PTPRQ: variants seen among roughly 807,000 people sequenced by gnomAD.
The protein encoded by PTPRQ is protein tyrosine phosphatase receptor type Q.
A neutral mutation model predicts 246.0 loss-of-function variants in PTPRQ; 199 were observed. That is an observed-to-expected ratio of 0.81 (90% CI 0.72 to 0.91). The LOEUF (loss-of-function observed/expected upper bound fraction) is 0.91. Among genes scored for constraint, PTPRQ ranks in the 40% least tolerant of loss-of-function variants. PTPRQ has a pLI of 0.00. For synonymous variants in PTPRQ, 869 were observed against 853.2 expected (o/e 1.02, Z -0.32); for missense variants, 2,624 against 2,528.4 (o/e 1.04, Z -0.81).
At chr12:80,450,852 G>A (rs1892738805) in intron 3 of PTPRQ, among the ~76,000 whole-genome samples, 1 of 152,132 alleles carries the variant, frequency 6.6e-6, no homozygotes, top group Non-Finnish European at 1.5e-5. Context: ...TTTTGGTTGT[G>A]TCTCTGCCTG....
intron 16 of PTPRQ, among the ~76,000 whole-genome samples, chr12:80,508,376 C>A (rs958423438): frequency 4.6e-5 from 7 of 151,880 alleles, no homozygotes; most frequent in African/African-American, 1.2e-4. Context: ...TAAATGTTCC[C>A]CCAAATTATT....
intron 6 of PTPRQ, chr12:80,465,685 GCAAGGCTGGTTC>G (rs1291553751): frequency 6.6e-6 from 1 of 152,174 alleles, no homozygotes; most frequent in Non-Finnish European, 1.5e-5. Context: ...TCCCTGGGAT[GCAAGGCTGGTTC>G]AATATACACA....
intron 39 of PTPRQ, among the ~76,000 whole-genome samples, chr12:80,667,852 T>G (rs1693091923): frequency 6.6e-6 from 1 of 151,918 alleles, no homozygotes; most frequent in Non-Finnish European, 1.5e-5. Flanking sequence ...ATTTAGGTCT[T>G]TCGGTTGAGA....
intron 33 of PTPRQ, among the ~76,000 whole-genome samples, chr12:80,624,256 G>A (rs1434955568): frequency 2.6e-5 from 4 of 152,122 alleles, no homozygotes; most frequent in Admixed American, 6.6e-5. Context: ...ATATAGAAAG[G>A]CACTGGGCTG....
intron 30 of PTPRQ, among the ~76,000 whole-genome samples, chr12:80,619,091 A>G (rs1278482305): frequency 2.0e-5 from 3 of 151,568 alleles, no homozygotes; most frequent in East Asian, 3.9e-4. Flanking sequence ...TATAAAAAAT[A>G]TATATGAGTG....
chr12:80,613,500 T>G, intron 28 of PTPRQ, 92 bp from the exon 29 acceptor site: 1 of 1,314,226 alleles, frequency 7.6e-7, no homozygotes, highest in South Asian at 1.5e-5. Context: ...GGAATACTCT[T>G]TAAAAACAGA....
At chr12:80,465,672 T>A (rs1592538749) in intron 6 of PTPRQ, 1 of 152,196 alleles carries the variant, frequency 6.6e-6, no homozygotes, top group Non-Finnish European at 1.5e-5. Flanking sequence ...CAAGTGGGCT[T>A]CATCCCTGGG....
chr12:80,593,676 C>T (rs972470807), intron 26 of PTPRQ: 17 of 152,066 alleles, frequency 1.1e-4, no homozygotes, highest in South Asian at 4.2e-4. Flanking sequence ...TACCTTGAAA[C>T]ATTACAGTCA....
intron 35 of PTPRQ, among the ~76,000 whole-genome samples, chr12:80,635,809 G>A (rs1899625207): frequency 6.6e-6 from 1 of 152,010 alleles, no homozygotes; most frequent in African/African-American, 2.4e-5. Context: ...TTTAACGTTT[G>A]CATTTTTATA....
intron 8 of PTPRQ, among the ~76,000 whole-genome samples, chr12:80,480,738 A>G (rs1471229780): frequency 3.9e-5 from 6 of 152,214 alleles, no homozygotes; most frequent in Non-Finnish European, 5.9e-5. Context: ...AGAGAATACT[A>G]CAAACACCTC....
In PTPRQ at chr12:80,592,870, A is replaced by G. The variant is rs1421116363; in HGVS notation, c.4609+4418A>G. Reference sequence around the variant, plus strand: ...TCTAAAAATACAAAAAATTATCCGAACATGGTGGTGGGCACCTGTAATCCC... The same window carrying G: ...TCTAAAAATACAAAAAATTATCCGAGCATGGTGGTGGGCACCTGTAATCCC... On this transcript the variant is annotated intron_variant, in intron 26 of 44. Transcript: ENST00000644991. 3.9e-5 allele frequency among the ~76,000 whole-genome samples: 6 copies of G among 152,010 alleles called. No homozygotes were observed. In the South Asian group the frequency reaches 8.3e-4, roughly 21 times the overall value.
chr12:80,591,878 G>A (rs777476046), intron 26 of PTPRQ, among the ~76,000 whole-genome samples: 3 of 152,214 alleles, frequency 2.0e-5, no homozygotes, highest in Non-Finnish European at 2.9e-5. Flanking sequence ...GCCACACTGA[G>A]CCAGGAAGTG....
chr12:80,570,078 A>G (rs1897100944), intron 25 of PTPRQ, among the ~76,000 whole-genome samples: 1 of 152,160 alleles, frequency 6.6e-6, no homozygotes, highest in Non-Finnish European at 1.5e-5. Context: ...AGTGATTTAT[A>G]ATCCTTTGGG....
intron 25 of PTPRQ, among the ~76,000 whole-genome samples, chr12:80,579,962 A>G (rs1399457049): frequency 6.6e-6 from 1 of 152,182 alleles, no homozygotes; most frequent in Non-Finnish European, 1.5e-5. Context: ...CCTGAAAAAT[A>G]AAAATATATA....
At chr12:80,523,530 C>A (rs1380783178) in intron 17 of PTPRQ, among the ~76,000 whole-genome samples, 2 of 152,152 alleles carry the variant, frequency 1.3e-5, no homozygotes, top group East Asian at 3.8e-4. Flanking sequence ...CTACACACTG[C>A]TTTGAATGTG....
Position 80,588,208 on chromosome 12 carries a change from T to C in PTPRQ, c.4365T>C (p.Thr1455=). 1 of 1,551,600 alleles carries C rather than the reference T, an allele frequency of 6.4e-7. No individual in the cohort carries two copies. The highest frequency in any genetic ancestry group is 8.7e-7 in the Non-Finnish European group (1 of 1,146,900). The change falls in exon 26 of 45, where the codon ACT becomes ACC. Residue 1455 remains threonine, a synonymous_variant. Transcript: ENST00000644991. ...SATLTWIRPD[T]ILGYFQNYKI... ...CATTGACATGGATAAGACCTGACAC[T>C]ATCCTTGGCTACTTTCAAAATTACA...
At position 80,444,485 on chromosome 12, in the gene PTPRQ, TG is replaced by T. The variant is rs1019835068; in HGVS notation, c.54+87del. On this transcript the variant is annotated intron_variant, in intron 1 of 44. Coordinates refer to ENST00000644991, the MANE Select transcript of PTPRQ (RefSeq NM_001145026.2). ...CTTGAATAGTTGTTCCTTGTGACAG[TG>T]AACTAGGATAGATAGAAATGCTGAC... The T allele has an allele frequency of 6.6e-5, 53 of 809,124 alleles. No homozygotes were observed. The African/African-American group carries it at 9.4e-4, about 14-fold the overall frequency. 50.1% of individuals were successfully genotyped at this position (809,124 alleles called of 1,614,324 possible).
intron 14 of PTPRQ, among the ~76,000 whole-genome samples, chr12:80,503,398 C>T (rs1235861980): frequency 1.3e-5 from 2 of 151,726 alleles, no homozygotes; most frequent in Non-Finnish European, 2.9e-5. Context: ...TTAAAAGTAT[C>T]AATATTCTTA....
intron 39 of PTPRQ, among the ~76,000 whole-genome samples, chr12:80,668,632 G>A (rs1224131681): frequency 6.6e-6 from 1 of 151,824 alleles, no homozygotes; most frequent in Non-Finnish European, 1.5e-5. Context: ...TCTATAAAAT[G>A]AGCATAATAT....
Sources: allele counts gnomAD v4.1 joint callset (sites outside exome capture counted in the v4.1 genomes callset), GRCh38; gene constraint gnomAD v4.1.1; transcripts MANE v1.5; gene names NCBI Gene and HGNC (gene_info 2026-07-23, HGNC 2026-07-21).